The following WDR19 variants were observed in gnomAD, a reference collection of about 807,000 sequenced individuals.
WDR19 encodes the protein WD repeat domain 19, also known as WD repeat-containing protein 19.
In WDR19, 121 loss-of-function variants were observed where a neutral mutation model predicts 180.0. That is an observed-to-expected ratio of 0.67 (90% CI 0.58 to 0.78). The LOEUF is 0.78. WDR19 is among the 30% of genes least tolerant of loss of function. The pLI, the probability that WDR19 is intolerant of heterozygous loss-of-function variation, is 0.00. For missense variants in WDR19, 1,450 were observed against 1,640.7 expected (o/e 0.88, Z 2.01); for synonymous variants, 497 against 540.7 (o/e 0.92, Z 1.12).
chr4:39,189,839 T>G, intron 4 of WDR19, 58 bp downstream of exon 4: 1 of 1,531,748 alleles, frequency 6.5e-7, no homozygotes, highest in Non-Finnish European at 8.8e-7. Context: ...ATTTGTAGGT[T>G]TGGTGCTAAC....
intron 14 of WDR19, 171 bp downstream of exon 14, chr4:39,218,276 C>T (rs557202943): frequency 2.7e-4 from 238 of 871,102 alleles, no homozygotes; most frequent in Middle Eastern, 1.8e-3. Flanking sequence ...AGTGGGGATA[C>T]ATTCTGAGAA....
At chr4:39,200,794 T>A (rs1410692801) in intron 6 of WDR19, among the ~76,000 whole-genome samples, 1 of 152,170 alleles carries the variant, frequency 6.6e-6, no homozygotes, top group East Asian at 1.9e-4. Context: ...AAAGTGGGGA[T>A]CATTGTGGGC....
chr4:39,262,663 GCCTTT>G (rs1734406915), intron 28 of WDR19, among the ~76,000 whole-genome samples: 1 of 152,024 alleles, frequency 6.6e-6, no homozygotes, highest in South Asian at 2.1e-4. Context: ...TACCCAATAA[GCCTTT>G]CCTAAACTGT....
intron 1 of WDR19, among the ~76,000 whole-genome samples, chr4:39,184,944 T>A (rs1725352307): frequency 6.6e-6 from 1 of 152,190 alleles, no homozygotes; most frequent in African/African-American, 2.4e-5. Flanking sequence ...CAGGTAAAAT[T>A]TATTTTAATA....
At chr4:39,193,457 C>T (rs1378688138) in intron 4 of WDR19, among the ~76,000 whole-genome samples, 1 of 152,098 alleles carries the variant, frequency 6.6e-6, no homozygotes, top group Non-Finnish European at 1.5e-5. Context: ...CATGCCCAGC[C>T]TAAAATTAAT....
chr4:39,242,380 C>T (rs1325450222), intron 21 of WDR19, among the ~76,000 whole-genome samples: 1 of 152,090 alleles, frequency 6.6e-6, no homozygotes, highest in Non-Finnish European at 1.5e-5. Context: ...CCTTAGCCTC[C>T]CTAAGCACTG....
intron 15 of WDR19, 105 bp from the exon 16 acceptor site, chr4:39,228,105 A>T: frequency 8.0e-7 from 1 of 1,253,102 alleles, no homozygotes; most frequent in Non-Finnish European, 1.1e-6. Flanking sequence ...GTTGAATATG[A>T]CTCAGTAAGC....
intron 5 of WDR19, among the ~76,000 whole-genome samples, chr4:39,197,609 C>T (rs58358995): frequency 0.029 from 4,377 of 151,846 alleles, 214 homozygotes; most frequent in African/African-American, 0.1. Context: ...TTATCTATCC[C>T]AAGACCTTCA....
chr4:39,268,152 C>CT, intron 30 of WDR19, 61 bp downstream of exon 30: 1 of 1,438,354 alleles, frequency 7.0e-7, no homozygotes. Flanking sequence ...GCCCCAGCCC[C>CT]TTTTCTGTGT....
Position 39,253,113 on chromosome 4 carries a change from T to TA in WDR19, c.2730-26dup, listed in dbSNP as rs371059798. ...CATTTTCTCCCCAAATTGACAGTGT[T>TA]AAAAAAAGTTTATCTGAGCTATTTT... On this transcript the variant is annotated intron_variant, in intron 24 of 36. Coordinates refer to ENST00000399820, the MANE Select transcript of WDR19 (RefSeq NM_025132.4). The TA allele has an allele frequency of 4.9e-5, 76 of 1,545,396 alleles. No individual in the cohort carries two copies. In the African/African-American group the frequency reaches 5.7e-4, roughly 12 times the overall value.
In WDR19 at chr4:39,199,559, C is replaced by A; in HGVS notation, c.488C>A (p.Thr163Lys). 6.2e-7 allele frequency: 1 copy of A among 1,613,424 alleles called. No individual in the cohort carries two copies. The highest frequency in any genetic ancestry group is 8.5e-7 in the Non-Finnish European group (1 of 1,179,670). The change falls in exon 6 of 37, where the codon ACA becomes AAA. Residue 163 changes from threonine (T) to lysine (K), a missense_variant. Transcript: ENST00000399820. ...TTAGGTGGTGAAGATAAAATGATTA[C>A]AGTTAGTAATCAGGAAGGTGACACG... ...LALGGEDKMI[T>K]VSNQEGDTIR...
At chr4:39,194,788 G>C (rs554386996) in intron 5 of WDR19, 129 bp downstream of exon 5, 4 of 628,340 alleles carry the variant, frequency 6.4e-6, no homozygotes, top group Middle Eastern at 2.5e-4. Flanking sequence ...ATGTCCCTCC[G>C]CAAGTCTTAC....
Position 39,225,061 on chromosome 4 carries a change from A to AT in WDR19, c.1629+34dup, listed in dbSNP as rs1401128792. 2.8e-5 allele frequency: 42 copies of AT among 1,478,396 alleles called. No homozygotes were observed. The East Asian group carries it at 1.0e-3, about 36-fold the overall frequency. 91.6% of individuals were successfully genotyped at this position (1,478,396 alleles called of 1,614,324 possible). ...AAGTCTGGAACATTTTTAAATGTTT[A>AT]TTTTTTGAAATGCAATATAGGGAAA... On this transcript the variant is annotated intron_variant, in intron 15 of 36. Transcript: ENST00000399820.
intron 5 of WDR19, among the ~76,000 whole-genome samples, chr4:39,196,012 G>A (rs1253791246): frequency 6.6e-6 from 1 of 152,158 alleles, no homozygotes; most frequent in African/African-American, 2.4e-5. Flanking sequence ...GGGCTTTGAG[G>A]TATATAAGGA....
intron 17 of WDR19, 108 bp downstream of exon 17, chr4:39,228,798 G>T: frequency 4.0e-6 from 5 of 1,261,950 alleles, no homozygotes; most frequent in African/African-American, 1.5e-5. Context: ...CTTTATCCTT[G>T]CAAGAATTTT....
At chr4:39,280,119 G>GTTTTTTTTTTTTT (rs551041321) in intron 36 of WDR19, among the ~76,000 whole-genome samples, 18 of 53,964 alleles carry the variant, frequency 3.3e-4, no homozygotes, top group African/African-American at 1.1e-3. Flanking sequence ...CCCTTTTCTT[G>GTTTTTTTTTTTTT]TTTTTTTTTT....
intron 24 of WDR19, among the ~76,000 whole-genome samples, chr4:39,251,738 C>A (rs1733213425): frequency 6.6e-6 from 1 of 151,958 alleles, no homozygotes; most frequent in African/African-American, 2.4e-5. Flanking sequence ...ATTTATGCAG[C>A]CAAAAAACAC....
At chr4:39,199,425 A>G (rs1039340645) in intron 5 of WDR19, 53 bp from the exon 6 acceptor site, 21 of 1,416,234 alleles carry the variant, frequency 1.5e-5, no homozygotes, top group Admixed American at 2.0e-5. Flanking sequence ...GGCATCACAG[A>G]TTTTTTTCTT....
At chr4:39,229,213 A>G (rs755194422) in intron 17 of WDR19, among the ~76,000 whole-genome samples, 4 of 152,080 alleles carry the variant, frequency 2.6e-5, no homozygotes, top group Admixed American at 6.6e-5. Context: ...CTGTTGATGG[A>G]CACTTAAGTT....
Sources: allele counts gnomAD v4.1 joint callset (sites outside exome capture counted in the v4.1 genomes callset), GRCh38; gene constraint gnomAD v4.1.1; transcripts MANE v1.5; gene names NCBI Gene and HGNC (gene_info 2026-07-23, HGNC 2026-07-21).